TMTC2: variants seen among roughly 807,000 people sequenced by gnomAD.
TMTC2 encodes the protein transmembrane O-mannosyltransferase targeting cadherins 2.
TMTC2 carries 43 observed loss-of-function variants against 82.4 expected under a neutral mutation model. The observed-to-expected ratio is 0.52, with a 90% CI of 0.41 to 0.67. The LOEUF (loss-of-function observed/expected upper bound fraction) is 0.67, where lower values mean the gene tolerates loss of function less well. Ranked by LOEUF, TMTC2 falls within the 30% of genes least tolerant of loss-of-function variation. TMTC2 has a pLI of 0.00. For missense variants in TMTC2, 919 were observed against 1,012.4 expected, an observed-to-expected ratio of 0.91 and a Z score of 1.25; for synonymous variants, 408 against 381.9, an observed-to-expected ratio of 1.07 and a Z score of -0.80.
chr12:82,713,472 A>T (rs553949540), intron 1 of TMTC2, among the ~76,000 whole-genome samples: 1 of 152,252 alleles, frequency 6.6e-6, no homozygotes, highest in Non-Finnish European at 1.5e-5. Context: ...ATGGACTTAC[A>T]GTTCCATGTG....
chr12:83,108,186 G>A (rs1256752057), intron 11 of TMTC2, among the ~76,000 whole-genome samples: 1 of 152,056 alleles, frequency 6.6e-6, no homozygotes, highest in Non-Finnish European at 1.5e-5. Flanking sequence ...TTATAGCAAT[G>A]GGAGAATGGA....
intron 11 of TMTC2, among the ~76,000 whole-genome samples, chr12:83,102,629 C>T (rs1399031315): frequency 9.9e-5 from 15 of 152,136 alleles, no homozygotes; most frequent in Admixed American, 9.8e-4. Flanking sequence ...GTAAGCTAAA[C>T]AAAGTGGAGT....
chr12:82,777,913 T>C (rs1427885607), intron 1 of TMTC2, among the ~76,000 whole-genome samples: 2 of 152,132 alleles, frequency 1.3e-5, no homozygotes, highest in East Asian at 3.8e-4. Context: ...TTCCCTTTCT[T>C]CCAAGGCCCC....
At chr12:82,975,481 C>A (rs1238044993) in intron 7 of TMTC2, among the ~76,000 whole-genome samples, 1 of 152,010 alleles carries the variant, frequency 6.6e-6, no homozygotes, top group East Asian at 1.9e-4. Flanking sequence ...AGTTTTGTTC[C>A]GGATTGCATT....
At chr12:82,895,238 G>T (rs1433534859) in intron 2 of TMTC2, among the ~76,000 whole-genome samples, 1 of 152,054 alleles carries the variant, frequency 6.6e-6, no homozygotes. Flanking sequence ...ATAAAAGCCT[G>T]GTTTATAAAT....
chr12:82,828,966 T>G (rs1272907722), intron 1 of TMTC2, among the ~76,000 whole-genome samples: 3 of 152,094 alleles, frequency 2.0e-5, no homozygotes, highest in Non-Finnish European at 4.4e-5. Context: ...ATGGAAAAGG[T>G]AATTTGACAC....
intron 3 of TMTC2, among the ~76,000 whole-genome samples, chr12:82,911,856 C>T (rs372462960): frequency 2.0e-5 from 3 of 152,238 alleles, no homozygotes; most frequent in East Asian, 1.9e-4. Flanking sequence ...GTGATCTGAC[C>T]GCATAGGCCT....
intron 8 of TMTC2, 69 bp downstream of exon 8, chr12:82,986,115 A>T (rs1879145210): frequency 6.2e-7 from 1 of 1,606,796 alleles, no homozygotes; most frequent in African/African-American, 1.3e-5. Flanking sequence ...GATGGGTTTG[A>T]GGTACTGTTT....
At chr12:82,959,694 A>C (rs1877814830) in intron 4 of TMTC2, among the ~76,000 whole-genome samples, 1 of 152,276 alleles carries the variant, frequency 6.6e-6, no homozygotes, top group African/African-American at 2.4e-5. Flanking sequence ...TAAAGATTTA[A>C]GTGTAAGTCC....
At chr12:82,850,239 T>A (rs575575834) in intron 1 of TMTC2, among the ~76,000 whole-genome samples, 148 of 152,298 alleles carry the variant, frequency 9.7e-4, no homozygotes, top group Non-Finnish European at 1.9e-3. Context: ...GTTTGATTTT[T>A]AACATGACAT....
chr12:82,786,629 C>T (rs1878188293), intron 1 of TMTC2, among the ~76,000 whole-genome samples: 1 of 152,058 alleles, frequency 6.6e-6, no homozygotes. Context: ...TAAATGTTTA[C>T]TTTTTAGACT....
chr12:82,946,241 AT>A (rs1298506825), intron 4 of TMTC2, among the ~76,000 whole-genome samples: 1 of 152,216 alleles, frequency 6.6e-6, no homozygotes, highest in Non-Finnish European at 1.5e-5. Flanking sequence ...TATTGCTAAA[AT>A]GTAAGCTTCA....
chr12:82,783,635 A>T (rs1009693314), intron 1 of TMTC2, among the ~76,000 whole-genome samples: 1 of 152,092 alleles, frequency 6.6e-6, no homozygotes, highest in South Asian at 2.1e-4. Context: ...AAGCATGGTT[A>T]TGTGTTTAAT....
rs1432932737 is a variant in TMTC2, at chr12:82,705,356, A to AT, written c.83+17687_83+17688insT. 2.6e-5 allele frequency among the ~76,000 whole-genome samples: 4 copies of AT among 151,732 alleles called. No homozygotes were observed. The East Asian group carries it at 7.7e-4, about 29-fold the overall frequency. ...AGATAAAAAAAATTCAAAAAAAGAA[A>AT]ATTGTCCTTATATACATGTCAGACA... On this transcript the variant is annotated intron_variant, in intron 1 of 11. Transcript: ENST00000321196.
At chr12:82,764,045 CATTT>C (rs1346064123) in intron 1 of TMTC2, among the ~76,000 whole-genome samples, 2 of 152,156 alleles carry the variant, frequency 1.3e-5, no homozygotes, top group East Asian at 3.8e-4. Flanking sequence ...GTGCAATATT[CATTT>C]AGTTTTAGGA....
At chr12:82,745,156 CGT>C (rs1875621670) in intron 1 of TMTC2, among the ~76,000 whole-genome samples, 1 of 152,002 alleles carries the variant, frequency 6.6e-6, no homozygotes, top group African/African-American at 2.4e-5. Flanking sequence ...CCCTTCTCTT[CGT>C]GTGTGTGCCC....
chr12:83,118,703 CT>C (rs1327491952), intron 11 of TMTC2, among the ~76,000 whole-genome samples: 22 of 151,850 alleles, frequency 1.4e-4, no homozygotes, highest in Admixed American at 7.2e-4. Context: ...ATTAAGGAGG[CT>C]TCGCTCTTTC....
intron 1 of TMTC2, among the ~76,000 whole-genome samples, chr12:82,854,555 T>C (rs944099537): frequency 6.6e-6 from 1 of 152,198 alleles, no homozygotes; most frequent in Non-Finnish European, 1.5e-5. Flanking sequence ...AAATTCATCA[T>C]ATGATCATAT....
chr12:82,765,993 G>T (rs147451441), intron 1 of TMTC2, among the ~76,000 whole-genome samples: 39 of 152,254 alleles, frequency 2.6e-4, no homozygotes, highest in African/African-American at 8.9e-4. Flanking sequence ...GGCCCAAAAC[G>T]TGTATTGCCA....
Sources: allele counts gnomAD v4.1 joint callset (sites outside exome capture counted in the v4.1 genomes callset), GRCh38; gene constraint gnomAD v4.1.1; transcripts MANE v1.5; gene names NCBI Gene and HGNC (gene_info 2026-07-23, HGNC 2026-07-21).